Variants in RSPH4A observed in about 807,000 individuals in gnomAD.
RSPH4A encodes the protein radial spoke head component 4A.
A neutral mutation model predicts 71.0 loss-of-function variants in RSPH4A; 47 were observed. The observed-to-expected ratio is 0.66, with a 90% CI of 0.52 to 0.84. The LOEUF (loss-of-function observed/expected upper bound fraction) is 0.84, where lower values mean the gene tolerates loss of function less well. Ranked by LOEUF, RSPH4A falls within the 40% of genes least tolerant of loss-of-function variation. The probability of loss-of-function intolerance (pLI) is 0.00; values close to 1 mark genes in which losing one functional copy is unlikely to be tolerated. For missense variants in RSPH4A, 793 were observed against 855.2 expected, an observed-to-expected ratio of 0.93 and a Z score of 0.91; for synonymous variants, 282 against 302.3, an observed-to-expected ratio of 0.93 and a Z score of 0.70.
chr6:116,632,576 A>G lies in RSPH4A; in HGVS notation c.*135A>G, dbSNP rs1056941662. On this transcript the variant is annotated 3_prime_UTR_variant, in exon 6 of 6. Transcript: ENST00000229554. The stretch of plus-strand genomic sequence containing the variant: ...GAAATTATTCAACTGCAAAATCTCA[A>G]TCTTGAAAATCAAGCTTGAAATTTC... 7 of 1,128,694 alleles carry G rather than the reference A, an allele frequency of 6.2e-6. No individual in the cohort carries two copies. Among genetic ancestry groups the G allele is most frequent in the Non-Finnish European group, 6.2e-6 (5 of 809,992 alleles). The allele number at this position is 1,128,694 out of a possible 1,614,324, so 69.9% of individuals were successfully genotyped here.
rs750605299 is a variant in RSPH4A at position 116,616,889 on chromosome 6, A to G, written c.266A>G (p.Glu89Gly). ...TSSPAPVSPR[E>G]PSSSPSPLAP... is the part of the protein sequence containing the mutation. The stretch of plus-strand genomic sequence containing the variant: ...TCACCTGCTCCTGTCTCTCCGCGGG[A>G]GCCCTCTTCCTCTCCTTCTCCCCTG... Residue 89 changes from glutamate to glycine, a missense_variant, in exon 1 of 6, where the codon GAG (glutamate) becomes GGG (glycine). Glu to Gly is a moderately conservative substitution (Grantham distance 98). Transcript: ENST00000229554. The G allele has an allele frequency of 1.2e-6, 2 of 1,613,984 alleles. No individual in the cohort carries two copies. Among genetic ancestry groups the G allele is most frequent in the African/African-American group, 2.7e-5 (2 of 74,908 alleles).
intron 2 of RSPH4A, among the ~76,000 whole-genome samples, chr6:116,625,167 T>C (rs1775674901): frequency 6.6e-6 from 1 of 152,222 alleles, no homozygotes; most frequent in African/African-American, 2.4e-5. Flanking sequence ...ATTGTTATTA[T>C]ATTCTTTTGA....
intron 1 of RSPH4A, among the ~76,000 whole-genome samples, chr6:116,620,240 C>G (rs986231471): frequency 1.3e-5 from 2 of 152,114 alleles, no homozygotes; most frequent in African/African-American, 4.8e-5. Context: ...ATAAAATTTT[C>G]TTTATTGAAT....
At chr6:116,625,073 AAGGATAATCAAG>A (rs1173749582) in intron 2 of RSPH4A, among the ~76,000 whole-genome samples, 3 of 151,834 alleles carry the variant, frequency 2.0e-5, no homozygotes, top group African/African-American at 7.3e-5. Flanking sequence ...CAAGTGGCTT[AAGGATAATCAAG>A]TGGCTAAACC....
Position 116,632,605 on chromosome 6 carries a change from G to A in RSPH4A, c.*164G>A, listed in dbSNP as rs1583353615. 1.1e-6 allele frequency: 1 copy of A among 895,062 alleles called. No homozygotes were observed. The highest frequency in any genetic ancestry group is 1.6e-6 in the Non-Finnish European group (1 of 608,722). The allele number at this position is 895,062 out of a possible 1,614,324, so 55.4% of individuals were successfully genotyped here. ...TGAAAATCAAGCTTGAAATTTCATA[G>A]GTAGAAATATTAGCATTTTTATTGA... On this transcript the variant is annotated 3_prime_UTR_variant, in exon 6 of 6. Transcript: ENST00000229554.
In RSPH4A at chr6:116,616,725, T is replaced by G. The variant is rs1583345695; in HGVS notation, c.102T>G (p.Tyr34Ter). 2 of 1,614,136 alleles carry G rather than the reference T, an allele frequency of 1.2e-6. No individual in the cohort carries two copies. Among genetic ancestry groups the G allele is most frequent in the East Asian group, 4.5e-5 (2 of 44,858 alleles). ...WEGKTAASPQ[Y>*]SEPESSEPLE... is the part of the protein sequence containing the mutation. ...GAAAGACAGCAGCTTCTCCCCAATATTCTGAGCCTGAGTCGTCTGAGCCCT... is the reference window on the plus strand; with the variant it reads ...GAAAGACAGCAGCTTCTCCCCAATAGTCTGAGCCTGAGTCGTCTGAGCCCT... The change falls in exon 1 of 6, where the codon TAT (tyrosine) becomes TAG (stop). Residue 34 changes from tyrosine (Y) to a stop codon, truncating the protein, a stop_gained. Transcript: ENST00000229554. LOFTEE classifies it high-confidence loss of function.
intron 1 of RSPH4A, among the ~76,000 whole-genome samples, chr6:116,622,516 A>G (rs1477235593): frequency 6.6e-6 from 1 of 152,212 alleles, no homozygotes; most frequent in Non-Finnish European, 1.5e-5. Context: ...AGTAGAAATT[A>G]TCTTAAGTGT....
Position 116,622,893 on chromosome 6 carries a change from T to A in RSPH4A, c.812T>A (p.Leu271Gln). Residue 271 changes from leucine to glutamine, a missense_variant, in exon 2 of 6, where the codon CTA becomes CAA. Coordinates refer to ENST00000229554, the MANE Select transcript of RSPH4A (RefSeq NM_001010892.3). ...MAHFSKKFDA[L>Q]QNENELLPTY... ...CATTTTAGTAAAAAATTTGATGCAC[T>A]ACAAAATGAGAATGAGTTGCTTCCA... is the stretch of plus-strand genomic sequence containing the variant. 1.2e-6 allele frequency: 2 copies of A among 1,613,514 alleles called. No homozygotes were observed. The highest frequency in any genetic ancestry group is 1.7e-6 in the Non-Finnish European group (2 of 1,179,484).
At chr6:116,618,623 C>G (rs1379343065) in intron 1 of RSPH4A, among the ~76,000 whole-genome samples, 4 of 152,224 alleles carry the variant, frequency 2.6e-5, no homozygotes, top group Non-Finnish European at 5.9e-5. Flanking sequence ...AAGCGATTCT[C>G]CTACCTCAGC....
rs1162604791 is a variant in RSPH4A, at chr6:116,620,726, A to T, written c.687-2042A>T. On this transcript the variant is annotated intron_variant, in intron 1 of 5. Coordinates refer to ENST00000229554, the MANE Select transcript of RSPH4A (RefSeq NM_001010892.3). ...ATTGAAACCTGAAAAATAAAATGAA[A>T]ATTTGGACAGAGAGTCCCTGATGTG... Among the ~76,000 whole-genome samples the T allele has an allele frequency of 3.9e-5, 6 of 152,328 alleles. No homozygotes were observed. The East Asian group carries it at 1.2e-3, about 29-fold the overall frequency.
chr6:116,616,542 G>A lies in RSPH4A; in HGVS notation c.-82G>A. ...CCCAGAAATCGCTTAAGAGACCGCG[G>A]CAAAGTAACTTAACTGAGTTGCCTT... On this transcript the variant is annotated 5_prime_UTR_variant, in exon 1 of 6. Transcript: ENST00000229554. 2.4e-6 allele frequency: 3 copies of A among 1,250,138 alleles called. No individual in the cohort carries two copies. The highest frequency in any genetic ancestry group is 3.4e-6 in the Non-Finnish European group (3 of 874,514). The allele number at this position is 1,250,138 out of a possible 1,614,324, so 77.4% of individuals were successfully genotyped here.
intron 2 of RSPH4A, among the ~76,000 whole-genome samples, chr6:116,626,395 G>A (rs1052185117): frequency 1.3e-5 from 2 of 151,774 alleles, no homozygotes; most frequent in East Asian, 1.9e-4. Context: ...AGGCTGTAGT[G>A]CAGTGGCGCG....
intron 1 of RSPH4A, among the ~76,000 whole-genome samples, chr6:116,618,819 C>T (rs980111956): frequency 6.6e-6 from 1 of 152,210 alleles, no homozygotes; most frequent in Non-Finnish European, 1.5e-5. Context: ...GCATCAGATC[C>T]CACAGGTTGA....
At position 116,632,367 on chromosome 6, in the gene RSPH4A, C is replaced by G. The variant is rs1775819667; in HGVS notation, c.2077C>G (p.Gln693Glu). Reference sequence around the variant, plus strand: ...GGAGGAGCAGGCTTTCAGGGCTGCACAAGAAGCAGTTCTACTCGCAGCTGA... The same window carrying G: ...GGAGGAGCAGGCTTTCAGGGCTGCAGAAGAAGCAGTTCTACTCGCAGCTGA... ...VEEEQAFRAA[Q>E]EAVLLAAENE... The change falls in exon 6 of 6, where the codon CAA (glutamine) becomes GAA (glutamate). Residue 693 changes from glutamine (Q) to glutamate (E), a missense_variant. By Grantham distance (29) the Gln-to-Glu change is conservative. Coordinates refer to ENST00000229554, the MANE Select transcript of RSPH4A (RefSeq NM_001010892.3). The G allele has an allele frequency of 6.2e-7, 1 of 1,613,714 alleles. No homozygotes were observed. Among genetic ancestry groups the G allele is most frequent in the Admixed American group, 1.7e-5 (1 of 59,946 alleles).
At position 116,628,378 on chromosome 6, in the gene RSPH4A, T is replaced by C. The variant is rs1278059916; in HGVS notation, c.1662+9T>C. 7 of 1,597,382 alleles carry C rather than the reference T, an allele frequency of 4.4e-6. No individual in the cohort carries two copies. The East Asian group carries it at 1.3e-4, about 31-fold the overall frequency. Reference sequence around the variant, plus strand: ...AGCATATTCTCTCTCAGGTAGGAGCTTTGCACTTCTCAATCTATCAGGTAA... The same window carrying C: ...AGCATATTCTCTCTCAGGTAGGAGCCTTGCACTTCTCAATCTATCAGGTAA... On this transcript the variant is annotated intron_variant, in intron 3 of 5. Transcript: ENST00000229554.
chr6:116,631,719 A>T (rs1468041664), intron 5 of RSPH4A, among the ~76,000 whole-genome samples: 1 of 152,182 alleles, frequency 6.6e-6, no homozygotes, highest in Non-Finnish European at 1.5e-5. Context: ...TCCCGTAAAG[A>T]CAGCAGTGCA....
rs866455021 is a variant in RSPH4A, at chr6:116,632,340, G to A, written c.2050G>A (p.Glu684Lys). 6.2e-7 allele frequency: 1 copy of A among 1,614,028 alleles called. No homozygotes were observed. The highest frequency in any genetic ancestry group is 1.1e-5 in the South Asian group (1 of 91,060). ...TACAGAAATGGATGATCCTAGTGTG[G>A]AGGAGGAGCAGGCTTTCAGGGCTGC... ...EITEMDDPSV[E>K]EEQAFRAAQE... is the part of the protein sequence containing the mutation. Residue 684 changes from glutamate (E) to lysine (K), a missense_variant, in exon 6 of 6, where the codon GAG (glutamate) becomes AAG (lysine). Transcript: ENST00000229554.
chr6:116,632,021 T>G (rs930282823), intron 5 of RSPH4A, among the ~76,000 whole-genome samples, 186 bp from the exon 6 acceptor site: 4 of 152,070 alleles, frequency 2.6e-5, no homozygotes, highest in Non-Finnish European at 5.9e-5. Flanking sequence ...TTAGGCAGTT[T>G]GGATGAAAAC....
In RSPH4A at chr6:116,627,731, A is replaced by G; in HGVS notation, c.1024A>G (p.Lys342Glu). Residue 342 changes from lysine to glutamate, a missense_variant, in exon 3 of 6, where the codon AAG (lysine) becomes GAG (glutamate). Lys to Glu is a moderately conservative substitution (Grantham distance 56, BLOSUM62 1). Transcript: ENST00000229554. ...DETYRIFLALKQLTDTHPIQR... is the reference protein window; with the variant it reads ...DETYRIFLALEQLTDTHPIQR... ...GACATACCGCATATTTCTTGCCCTC[A>G]AGCAGCTTACTGATACCCACCCAAT... 1 of 1,614,180 alleles carries G rather than the reference A, an allele frequency of 6.2e-7. No homozygotes were observed. The highest frequency in any genetic ancestry group is 8.5e-7 in the Non-Finnish European group (1 of 1,180,030).
Sources: gnomAD v4.1 joint callset for allele counts (sites outside exome capture counted in the v4.1 genomes callset) on GRCh38, gnomAD v4.1.1 for gene constraint, MANE v1.5 for transcripts, NCBI Gene and HGNC (gene_info 2026-07-23, HGNC 2026-07-21) for gene names.